The following ABHD12B variants were observed in gnomAD, a reference collection of about 807,000 sequenced individuals.
ABHD12B encodes protein ABHD12B.
A neutral mutation model predicts 50.4 loss-of-function variants in ABHD12B; 42 were observed. That is an observed-to-expected ratio of 0.83 (90% CI 0.65 to 1.08). ABHD12B has a LOEUF of 1.08. Ranked by LOEUF, ABHD12B falls within the 50% of genes least tolerant of loss-of-function variation. ABHD12B has a pLI of 0.00. For missense variants in ABHD12B, 479 were observed against 447.7 expected (o/e 1.07, Z -0.63); for synonymous variants, 167 against 160.3 (o/e 1.04, Z -0.32).
At chr14:50,892,469 A>G (rs1323811470) in intron 9 of ABHD12B, 5 of 985,246 alleles carry the variant, frequency 5.1e-6, no homozygotes, top group Non-Finnish European at 6.0e-6. Context: ...CCGCTAAGGT[A>G]GGCAGTGGAG....
intron 9 of ABHD12B, among the ~76,000 whole-genome samples, chr14:50,893,951 G>T (rs1401454560): frequency 6.6e-6 from 1 of 152,250 alleles, no homozygotes; most frequent in Non-Finnish European, 1.5e-5. Context: ...AGACTGGGAA[G>T]GCAGCCTTCC....
At chr14:50,894,998 A>C (rs936229080) in intron 9 of ABHD12B, among the ~76,000 whole-genome samples, 4 of 148,756 alleles carry the variant, frequency 2.7e-5, no homozygotes, top group Admixed American at 6.6e-5. Flanking sequence ...CCAGCAATTT[A>C]CTCTTAAAAA....
chr14:50,879,841 G>A (rs1953877), intron 3 of ABHD12B, among the ~76,000 whole-genome samples: 149,585 of 152,286 alleles, frequency 0.98, 73,510 homozygotes, highest in Middle Eastern at 1. Context: ...CTGTCCTTAA[G>A]TGATGGAGAG....
chr14:50,878,324 C>A (rs1314980970), intron 2 of ABHD12B, among the ~76,000 whole-genome samples: 2 of 152,170 alleles, frequency 1.3e-5, no homozygotes, highest in African/African-American at 2.4e-5. Flanking sequence ...CTAGTTCTTA[C>A]CTGCTTGCCT....
At chr14:50,878,701 A>G (rs1257502202) in intron 2 of ABHD12B, 44 bp from the exon 3 acceptor site, 11 of 1,509,176 alleles carry the variant, frequency 7.3e-6, no homozygotes, top group Non-Finnish European at 1.0e-5. Flanking sequence ...ATTAAAAGGC[A>G]TGGAATTTGA....
chr14:50,896,324 A>C (rs1175931980), intron 9 of ABHD12B, among the ~76,000 whole-genome samples: 1 of 151,654 alleles, frequency 6.6e-6, no homozygotes, highest in Non-Finnish European at 1.5e-5. Context: ...CCCCCCAAAA[A>C]TTTTCACCGC....
At position 50,886,906 on chromosome 14, in the gene ABHD12B, G is replaced by C. The variant is rs544097165; in HGVS notation, c.700+222G>C. On this transcript the variant is annotated intron_variant, in intron 8 of 12. Transcript: ENST00000337334. Reference sequence around the variant, plus strand: ...GTTAAAAATAAATATGAAGGAACAAGTTAAAATCACCTTGAAAGAGTCCTC... The same window carrying C: ...GTTAAAAATAAATATGAAGGAACAACTTAAAATCACCTTGAAAGAGTCCTC... Among the ~76,000 whole-genome samples the C allele has an allele frequency of 6.0e-4, 91 of 152,234 alleles. No individual in the cohort carries two copies. In the South Asian group the frequency reaches 0.018, roughly 31 times the overall value.
intron 9 of ABHD12B, among the ~76,000 whole-genome samples, chr14:50,894,858 G>T (rs923921084): frequency 6.8e-6 from 1 of 147,206 alleles, no homozygotes. Context: ...TCCCCTCCTC[G>T]CCAGGCCGAG....
At chr14:50,876,013 G>A (rs562785928) in intron 1 of ABHD12B, among the ~76,000 whole-genome samples, 90 of 152,280 alleles carry the variant, frequency 5.9e-4, no homozygotes, top group African/African-American at 2.1e-3. Context: ...GCAGCTGGAA[G>A]GAGGCACAGT....
intron 9 of ABHD12B, chr14:50,893,531 C>T (rs1179487947): frequency 2.0e-5 from 3 of 152,602 alleles, no homozygotes; most frequent in East Asian, 3.8e-4. Flanking sequence ...GGACTCAGCC[C>T]ACCTGCACCC....
At chr14:50,890,448 T>C (rs2050102346) in intron 9 of ABHD12B, among the ~76,000 whole-genome samples, 1 of 152,210 alleles carries the variant, frequency 6.6e-6, no homozygotes. Flanking sequence ...TTAGATGGAA[T>C]TCTTAGATGA....
intron 4 of ABHD12B, among the ~76,000 whole-genome samples, chr14:50,881,038 C>G (rs1040227314): frequency 4.6e-5 from 7 of 152,182 alleles, no homozygotes; most frequent in Non-Finnish European, 1.0e-4. Flanking sequence ...GGAATTCTGA[C>G]CACAGGTACT....
chr14:50,876,966 A>C (rs1331931306), intron 1 of ABHD12B, among the ~76,000 whole-genome samples: 2 of 152,174 alleles, frequency 1.3e-5, no homozygotes, highest in Non-Finnish European at 2.9e-5. Context: ...TGTATCCCTC[A>C]CCTCTCTAAG....
intron 8 of ABHD12B, among the ~76,000 whole-genome samples, chr14:50,888,419 G>A (rs1429102705): frequency 6.6e-6 from 1 of 152,064 alleles, no homozygotes; most frequent in African/African-American, 2.4e-5. Context: ...GGCCAGGATG[G>A]TCTCCATCTC....
intron 8 of ABHD12B, among the ~76,000 whole-genome samples, chr14:50,887,045 C>T (rs1263235506): frequency 6.6e-6 from 1 of 151,704 alleles, no homozygotes; most frequent in Non-Finnish European, 1.5e-5. Context: ...GAAACCCTGT[C>T]TCTACTAAAA....
chr14:50,885,540 A>T (rs956506104), intron 5 of ABHD12B, 74 bp from the exon 6 acceptor site: 1 of 1,554,332 alleles, frequency 6.4e-7, no homozygotes, highest in Non-Finnish European at 8.9e-7. Flanking sequence ...TGTGATATGG[A>T]TGGATATAGG....
At chr14:50,895,423 C>T (rs566005463) in intron 9 of ABHD12B, 1 of 152,186 alleles carries the variant, frequency 6.6e-6, no homozygotes, top group Non-Finnish European at 1.5e-5. Context: ...CCTCCAGAAC[C>T]TCCTCCCACA....
intron 5 of ABHD12B, among the ~76,000 whole-genome samples, chr14:50,882,694 T>C (rs1364264079): frequency 6.6e-6 from 1 of 152,056 alleles, no homozygotes; most frequent in East Asian, 1.9e-4. Flanking sequence ...TGTCTGCTTT[T>C]AAAAGGCATT....
At chr14:50,885,316 A>G (rs2050020857) in intron 5 of ABHD12B, among the ~76,000 whole-genome samples, 1 of 152,218 alleles carries the variant, frequency 6.6e-6, no homozygotes, top group South Asian at 2.1e-4. Flanking sequence ...TGACAGTGCA[A>G]CAAACTTTCT....
Sources: allele counts gnomAD v4.1 joint callset (sites outside exome capture counted in the v4.1 genomes callset), GRCh38; gene constraint gnomAD v4.1.1; transcripts MANE v1.5; gene names NCBI Gene and HGNC (gene_info 2026-07-23, HGNC 2026-07-21).